The following NFATC1 variants were observed in gnomAD, a reference collection of about 807,000 sequenced individuals.
NFATC1 encodes nuclear factor of activated T cells 1, also known as nuclear factor of activated T-cells, cytoplasmic 1.
Under a neutral mutation model 76.0 loss-of-function variants are expected in NFATC1, and 22 were observed. That is an observed-to-expected ratio of 0.29 (90% CI 0.21 to 0.41). NFATC1 has a LOEUF of 0.41. Among genes scored for constraint, NFATC1 ranks in the 10% least tolerant of loss-of-function variants. NFATC1 has a pLI of 1.00. For missense variants in NFATC1, 1,357 were observed against 1,337.7 expected, an observed-to-expected ratio of 1.01 and a Z score of -0.23; for synonymous variants, 704 against 613.1, an observed-to-expected ratio of 1.15 and a Z score of -2.19.
chr18:79,477,555 G>A (rs890643273), intron 8 of NFATC1, among the ~76,000 whole-genome samples: 5 of 149,742 alleles, frequency 3.3e-5, no homozygotes, highest in Middle Eastern at 6.8e-3. Flanking sequence ...GAGCACTACC[G>A]GCCGTACTGT....
intron 8 of NFATC1, among the ~76,000 whole-genome samples, chr18:79,485,340 G>C (rs1338834493): frequency 6.6e-6 from 1 of 152,284 alleles, no homozygotes; most frequent in Non-Finnish European, 1.5e-5. Context: ...TAGAGCCACT[G>C]AGCCGTCTGA....
intron 1 of NFATC1, among the ~76,000 whole-genome samples, chr18:79,399,001 AG>A (rs1198161171): frequency 6.6e-6 from 1 of 152,228 alleles, no homozygotes; most frequent in Non-Finnish European, 1.5e-5. Context: ...CGGAAGGCGG[AG>A]GTTGCAGTGA....
intron 5 of NFATC1, 77 bp from the exon 6 acceptor site, chr18:79,451,599 A>C: frequency 7.1e-7 from 1 of 1,401,472 alleles, no homozygotes; most frequent in Non-Finnish European, 9.3e-7. Context: ...CTCACGTGTG[A>C]CCTGCTGGGT....
At chr18:79,404,624 C>T (rs2085372069) in intron 1 of NFATC1, among the ~76,000 whole-genome samples, 3 of 152,230 alleles carry the variant, frequency 2.0e-5, no homozygotes, top group Non-Finnish European at 4.4e-5. Flanking sequence ...AGGGAATGTT[C>T]CTTAAAATGA....
At chr18:79,526,084 T>C (rs1270759516) in intron 9 of NFATC1, among the ~76,000 whole-genome samples, 1 of 152,178 alleles carries the variant, frequency 6.6e-6, no homozygotes, top group African/African-American at 2.4e-5. Flanking sequence ...GAGCCGTCTT[T>C]CTCTCTGCGT....
At chr18:79,408,379 A>C (rs1184262625) in intron 1 of NFATC1, among the ~76,000 whole-genome samples, 1 of 152,242 alleles carries the variant, frequency 6.6e-6, no homozygotes, top group Non-Finnish European at 1.5e-5. Flanking sequence ...CCAAGATGTC[A>C]TAAAAAGTCT....
At chr18:79,460,819 G>A (rs553685857) in intron 6 of NFATC1, among the ~76,000 whole-genome samples, 2 of 152,314 alleles carry the variant, frequency 1.3e-5, no homozygotes, top group Admixed American at 1.3e-4. Flanking sequence ...TGCATCCCTG[G>A]GAGGCTGGGC....
Position 79,487,029 on chromosome 18 carries a change from G to A in NFATC1, c.2782+92G>A, listed in dbSNP as rs950569633. The A allele has an allele frequency of 1.1e-4, 158 of 1,385,508 alleles. 1 individual carries two copies. The highest frequency in any genetic ancestry group is 2.0e-4 in the South Asian group (14 of 71,542). The allele number at this position is 1,385,508 out of a possible 1,614,324, so 85.8% of individuals were successfully genotyped here. On this transcript the variant is annotated intron_variant, in intron 9 of 9. Coordinates refer to ENST00000427363, the MANE Select transcript of NFATC1 (RefSeq NM_001278669.2). ...CGTGTGCGTGCTGCGTGTGTGGCACGTGTGGAAGTGCACCGAGGCACCGGG... is the reference window on the plus strand; with the variant it reads ...CGTGTGCGTGCTGCGTGTGTGGCACATGTGGAAGTGCACCGAGGCACCGGG...
intron 4 of NFATC1, among the ~76,000 whole-genome samples, 190 bp from the exon 5 acceptor site, chr18:79,450,764 C>G (rs73969273): frequency 0.038 from 5,823 of 152,300 alleles, 363 homozygotes; most frequent in African/African-American, 0.13. Flanking sequence ...GTCAGATTCT[C>G]TCCTGCACTA....
In NFATC1 at chr18:79,486,230, T is replaced by C. The variant is rs1315854517; in HGVS notation, c.2093-18T>C. On this transcript the variant is annotated intron_variant, in intron 8 of 9. Transcript: ENST00000427363. ...TTCGCAACTTGTGTTTATTTAATTT[T>C]TTTTTTCCTTCTCACAGTTCCAATT... 1.3e-6 allele frequency: 2 copies of C among 1,587,036 alleles called. No homozygotes were observed. Among genetic ancestry groups the C allele is most frequent in the African/African-American group, 1.4e-5 (1 of 73,944 alleles).
Position 79,461,295 on chromosome 18 carries a change from T to C in NFATC1, c.1904-16T>C. ...ACCACACAGAGTCACAGACGTTTCCTGCTCCTTTCTTCCAGATGGCCACCA... is the reference window on the plus strand; with the variant it reads ...ACCACACAGAGTCACAGACGTTTCCCGCTCCTTTCTTCCAGATGGCCACCA... On this transcript the variant is annotated splice_polypyrimidine_tract_variant and intron_variant, in intron 6 of 9. Transcript: ENST00000427363. 1 of 1,606,644 alleles carries C rather than the reference T, an allele frequency of 6.2e-7. No homozygotes were observed. The highest frequency in any genetic ancestry group is 8.5e-7 in the Non-Finnish European group (1 of 1,177,464).
chr18:79,516,782 T>C (rs960633432), intron 9 of NFATC1, among the ~76,000 whole-genome samples: 3 of 152,240 alleles, frequency 2.0e-5, no homozygotes, highest in African/African-American at 7.2e-5. Flanking sequence ...AGACACGATA[T>C]ACGTACAGTG....
chr18:79,525,028 G>T (rs838047), intron 9 of NFATC1, among the ~76,000 whole-genome samples: 32,936 of 87,398 alleles, frequency 0.38, 6,965 homozygotes, highest in African/African-American at 0.49. Context: ...TACCCCTCAG[G>T]CCTCCCCACG....
chr18:79,445,764 C>T (rs752636523), intron 3 of NFATC1, among the ~76,000 whole-genome samples: 1 of 152,242 alleles, frequency 6.6e-6, no homozygotes, highest in Non-Finnish European at 1.5e-5. Context: ...TCCAGGTCGC[C>T]TTGGCTCCGT....
At chr18:79,499,636 A>T (rs1289664832) in intron 9 of NFATC1, among the ~76,000 whole-genome samples, 1 of 152,274 alleles carries the variant, frequency 6.6e-6, no homozygotes, top group African/African-American at 2.4e-5. Flanking sequence ...CTGTCTAAAA[A>T]ATACATATTT....
intron 8 of NFATC1, among the ~76,000 whole-genome samples, chr18:79,476,018 G>T (rs1359084509): frequency 2.0e-5 from 3 of 152,344 alleles, no homozygotes; most frequent in African/African-American, 7.2e-5. Context: ...GCTCCAGAAG[G>T]GGGGTGGGGC....
At chr18:79,456,213 C>T (rs530330214) in intron 6 of NFATC1, among the ~76,000 whole-genome samples, 3 of 152,230 alleles carry the variant, frequency 2.0e-5, no homozygotes, top group Non-Finnish European at 2.9e-5. Context: ...ACGGAACCAC[C>T]GTGGCCTTGG....
intron 2 of NFATC1, among the ~76,000 whole-genome samples, chr18:79,427,452 C>T (rs1437901043): frequency 1.7e-4 from 14 of 84,090 alleles, no homozygotes; most frequent in Non-Finnish European, 2.5e-4. Flanking sequence ...GACGGCTGGC[C>T]TCTGTGCGGT....
chr18:79,475,913 G>A (rs1311489700), intron 8 of NFATC1, among the ~76,000 whole-genome samples: 1 of 152,264 alleles, frequency 6.6e-6, no homozygotes, highest in South Asian at 2.1e-4. Context: ...GAGATGAGGG[G>A]AGTAAATTAG....
Sources: allele counts gnomAD v4.1 joint callset (sites outside exome capture counted in the v4.1 genomes callset), GRCh38; gene constraint gnomAD v4.1.1; transcripts MANE v1.5; gene names NCBI Gene and HGNC (gene_info 2026-07-23, HGNC 2026-07-21).